Variants in CNIH3 observed in about 807,000 individuals in gnomAD.
CNIH3 encodes the protein cornichon family AMPA receptor auxiliary protein 3.
A neutral mutation model predicts 24.1 loss-of-function variants in CNIH3; 14 were observed. The ratio of observed to expected loss-of-function variants is 0.58; its 90% CI spans 0.38 to 0.91. The LOEUF is 0.91. CNIH3 is among the 40% of genes least tolerant of loss of function. CNIH3 has a pLI of 0.00. For synonymous variants in CNIH3, 68 were observed against 73.8 expected (o/e 0.92, Z 0.40); for missense variants, 178 against 196.8 (o/e 0.90, Z 0.57).
Position 224,616,668 on chromosome 1 carries a change from G to A in CNIH3, c.-507G>A. 4 of 988,336 alleles carry A rather than the reference G, an allele frequency of 4.0e-6. No homozygotes were observed. Among genetic ancestry groups the A allele is most frequent in the Non-Finnish European group, 4.8e-6 (4 of 832,070 alleles). The allele number at this position is 988,336 out of a possible 1,614,324, so 61.2% of individuals were successfully genotyped here. On this transcript the variant is annotated 5_prime_UTR_variant, in exon 1 of 6. Transcript: ENST00000272133. ...GGGATTTGGGAGGAGCTCGGAGGCC[G>A]CTCGGGCACCTCGCTGGACACTATC...
chr1:224,673,700 T>C (rs1685985891), intron 1 of CNIH3, among the ~76,000 whole-genome samples: 1 of 152,224 alleles, frequency 6.6e-6, no homozygotes, highest in Non-Finnish European at 1.5e-5. Context: ...TCTTCTGCCC[T>C]TACCCTTGAT....
At chr1:224,716,275 C>G (rs1688424629) in intron 3 of CNIH3, among the ~76,000 whole-genome samples, 1 of 152,166 alleles carries the variant, frequency 6.6e-6, no homozygotes, top group Non-Finnish European at 1.5e-5. Flanking sequence ...ATCCCAGACT[C>G]CAAACTCTCA....
intron 1 of CNIH3, among the ~76,000 whole-genome samples, chr1:224,638,964 T>C (rs1404569912): frequency 1.3e-5 from 2 of 152,242 alleles, no homozygotes; most frequent in African/African-American, 4.8e-5. Context: ...ACCTGCCAGT[T>C]TCCCTTTTGA....
rs181358257 is a variant in CNIH3 at position 224,684,162 on chromosome 1, C to T, written c.151-634C>T. ...AGGCAACGGCATTTAGTGCACGATG[C>T]GGGCATCATCACCTGCCCAGCCACG... On this transcript the variant is annotated intron_variant, in intron 2 of 5. Transcript: ENST00000272133. This position sits in a 1 kb window ranked among gnomAD's most constrained non-coding sequence, Gnocchi z 4.2. 3.1e-4 allele frequency among the ~76,000 whole-genome samples: 47 copies of T among 152,282 alleles called. No individual in the cohort carries two copies. The highest frequency in any genetic ancestry group is 1.0e-3 in the Admixed American group (16 of 15,308).
intron 1 of CNIH3, among the ~76,000 whole-genome samples, chr1:224,472,534 G>T (rs1676414650): frequency 6.6e-6 from 1 of 152,178 alleles, no homozygotes. Flanking sequence ...AGTAACTCAG[G>T]AATGGAAAAC....
At chr1:224,696,484 C>T (rs923936913) in intron 3 of CNIH3, among the ~76,000 whole-genome samples, 2 of 152,140 alleles carry the variant, frequency 1.3e-5, no homozygotes, top group East Asian at 1.9e-4. Flanking sequence ...CGGTCAGCAG[C>T]GCAGCCTGTG....
intron 3 of CNIH3, among the ~76,000 whole-genome samples, chr1:224,690,880 C>T (rs1236235009): frequency 1.3e-5 from 2 of 152,110 alleles, no homozygotes; most frequent in East Asian, 1.9e-4. Context: ...ATATGACCAC[C>T]GGTGCTCCCA....
intron 3 of CNIH3, among the ~76,000 whole-genome samples, chr1:224,550,796 G>A (rs923128231): frequency 6.6e-6 from 1 of 151,890 alleles, no homozygotes; most frequent in Non-Finnish European, 1.5e-5. Context: ...TTGGTGTGCT[G>A]CACCCATTAA....
At chr1:224,598,576 C>G (rs1682082945) in intron 3 of CNIH3, among the ~76,000 whole-genome samples, 1 of 152,186 alleles carries the variant, frequency 6.6e-6, no homozygotes. Context: ...AAGGAAGAGT[C>G]AACTGAGGTG....
intron 5 of CNIH3, 51 bp from the exon 6 acceptor site, chr1:224,739,278 T>C (rs769312526): frequency 4.6e-5 from 71 of 1,535,996 alleles, no homozygotes; most frequent in Non-Finnish European, 5.8e-5. Context: ...TGTGGGCTTC[T>C]ACTAACACCT....
At chr1:224,614,259 T>G (rs1182675646), upstream of CNIH3, among the ~76,000 whole-genome samples, 1 of 152,222 alleles carries the variant, frequency 6.6e-6, no homozygotes, top group African/African-American at 2.4e-5. Context: ...CTCCAAAGTA[T>G]GTAGCCGGTC....
At chr1:224,736,757 G>A (rs79600134) in intron 5 of CNIH3, among the ~76,000 whole-genome samples, 97 of 152,240 alleles carry the variant, frequency 6.4e-4, no homozygotes, top group East Asian at 5.2e-3. Flanking sequence ...AGATTTCTAC[G>A]GTGCCCAGTG....
intron 4 of CNIH3, among the ~76,000 whole-genome samples, chr1:224,733,577 T>C (rs1281597405): frequency 1.3e-5 from 2 of 152,224 alleles, no homozygotes; most frequent in African/African-American, 4.8e-5. Flanking sequence ...TGCGAGTTGC[T>C]ACATTGCAGG....
At chr1:224,726,737 C>G (rs948321643) in intron 3 of CNIH3, among the ~76,000 whole-genome samples, 6 of 152,240 alleles carry the variant, frequency 3.9e-5, no homozygotes, top group African/African-American at 1.4e-4. Flanking sequence ...TCAGTAATCC[C>G]ACAATACTTA....
At chr1:224,692,129 C>T (rs7541279) in intron 3 of CNIH3, among the ~76,000 whole-genome samples, 38,657 of 152,010 alleles carry the variant, frequency 0.25, 5,192 homozygotes, top group East Asian at 0.37. Flanking sequence ...ACCCCCATAT[C>T]TACAAAAAGT....
At chr1:224,451,742 G>A (rs987528403) in intron 1 of CNIH3, among the ~76,000 whole-genome samples, 7 of 152,210 alleles carry the variant, frequency 4.6e-5, no homozygotes, top group African/African-American at 1.4e-4. Context: ...GGCTTTAACA[G>A]TCTTGGCTCC....
At chr1:224,688,759 G>A (rs1267696975) in intron 3 of CNIH3, among the ~76,000 whole-genome samples, 4 of 151,880 alleles carry the variant, frequency 2.6e-5, no homozygotes, top group African/African-American at 9.7e-5. Flanking sequence ...TGGCCAACAT[G>A]GTGAAACCCC....
intron 1 of CNIH3, among the ~76,000 whole-genome samples, chr1:224,644,186 C>T (rs74146221): frequency 0.024 from 3,715 of 152,120 alleles, 110 homozygotes; most frequent in African/African-American, 0.078. Flanking sequence ...GTGCTCCCTT[C>T]GGCCTTTGTT....
chr1:224,643,287 T>C (rs950644668), intron 1 of CNIH3, among the ~76,000 whole-genome samples: 14 of 152,202 alleles, frequency 9.2e-5, no homozygotes, highest in Admixed American at 7.2e-4. Flanking sequence ...AATGAGAAAT[T>C]ACACTCCAGT....
Sources: gnomAD v4.1 joint callset for allele counts (sites outside exome capture counted in the v4.1 genomes callset) on GRCh38, gnomAD v4.1.1 for gene constraint, Gnocchi (gnomAD v3.1) non-coding constraint, MANE v1.5 for transcripts, NCBI Gene and HGNC (gene_info 2026-07-23, HGNC 2026-07-21) for gene names.